ITPKB: variants seen among roughly 807,000 people sequenced by gnomAD.
ITPKB encodes IP3 3-kinase B.
A neutral mutation model predicts 69.4 loss-of-function variants in ITPKB; 13 were observed. The observed-to-expected ratio is 0.19, with a 90% CI of 0.12 to 0.30. The LOEUF is 0.30. Among genes scored for constraint, ITPKB ranks in the 10% least tolerant of loss-of-function variants. The pLI, the probability that ITPKB is intolerant of heterozygous loss-of-function variation, is 1.00. For missense variants in ITPKB, 1,240 were observed against 1,250.5 expected, an observed-to-expected ratio of 0.99 and a Z score of 0.13; for synonymous variants, 584 against 513.7, an observed-to-expected ratio of 1.14 and a Z score of -1.85.
At chr1:226,668,711 AT>A (rs1669552616) in intron 2 of ITPKB, among the ~76,000 whole-genome samples, 2 of 152,368 alleles carry the variant, frequency 1.3e-5, no homozygotes, top group African/African-American at 2.4e-5. Flanking sequence ...ACCAAAAGAA[AT>A]TTTTCAAAAT....
intron 2 of ITPKB, among the ~76,000 whole-genome samples, chr1:226,693,071 G>A (rs1006905239): frequency 1.3e-5 from 2 of 152,246 alleles, no homozygotes; most frequent in East Asian, 1.9e-4. Context: ...CATGTGAGCC[G>A]TGGCTTGGGT....
intron 5 of ITPKB, among the ~76,000 whole-genome samples, chr1:226,640,695 AAGG>A (rs1490910914): frequency 1.3e-5 from 2 of 152,164 alleles, no homozygotes; most frequent in Non-Finnish European, 2.9e-5. Flanking sequence ...AGCGAGCGTT[AAGG>A]AGAAGGCGGA....
intron 7 of ITPKB, among the ~76,000 whole-genome samples, chr1:226,636,713 C>T (rs781750438): frequency 2.0e-5 from 3 of 152,008 alleles, no homozygotes; most frequent in Non-Finnish European, 2.9e-5. Flanking sequence ...GCTTCACACC[C>T]ACCCACCCAT....
At chr1:226,682,897 G>T (rs969733181) in intron 2 of ITPKB, among the ~76,000 whole-genome samples, 4 of 152,300 alleles carry the variant, frequency 2.6e-5, no homozygotes, top group East Asian at 1.9e-4. Context: ...TATATTTACA[G>T]GGAGAGTCTA....
chr1:226,709,645 C>G (rs949652046), intron 2 of ITPKB, among the ~76,000 whole-genome samples: 1 of 152,150 alleles, frequency 6.6e-6, no homozygotes, highest in South Asian at 2.1e-4. Flanking sequence ...CTTCCCTGAC[C>G]TTCCTTTGTC....
chr1:226,712,183 T>C (rs938885386), intron 2 of ITPKB, among the ~76,000 whole-genome samples: 4 of 152,158 alleles, frequency 2.6e-5, no homozygotes, highest in Non-Finnish European at 4.4e-5. Context: ...TTAAACCACC[T>C]TCCCACCGCA....
chr1:226,706,795 G>A (rs537325987), intron 2 of ITPKB, among the ~76,000 whole-genome samples: 3 of 152,330 alleles, frequency 2.0e-5, no homozygotes, highest in East Asian at 1.9e-4. Context: ...GTTTCCAGCC[G>A]CCAGTCTGTC....
At chr1:226,654,766 A>G (rs2102751429) in intron 2 of ITPKB, among the ~76,000 whole-genome samples, 1 of 152,324 alleles carries the variant, frequency 6.6e-6, no homozygotes, top group South Asian at 2.1e-4. Flanking sequence ...GGTCCTTCCC[A>G]TCAGGCATCC....
At chr1:226,734,229 G>A (rs988649138) in intron 2 of ITPKB, among the ~76,000 whole-genome samples, 1 of 152,212 alleles carries the variant, frequency 6.6e-6, no homozygotes, top group Non-Finnish European at 1.5e-5. Context: ...AAAATGCCAG[G>A]CTGATTGGGG....
intron 2 of ITPKB, among the ~76,000 whole-genome samples, chr1:226,732,095 T>A (rs1657603937): frequency 3.2e-5 from 3 of 94,124 alleles, no homozygotes; most frequent in South Asian, 6.8e-4. Flanking sequence ...ACAAAACTAG[T>A]CAACATCAAA....
chr1:226,692,172 G>C (rs1479714632), intron 2 of ITPKB, among the ~76,000 whole-genome samples: 2 of 152,170 alleles, frequency 1.3e-5, no homozygotes, highest in Non-Finnish European at 2.9e-5. Context: ...AGCAGAGCTA[G>C]GATTCAACTC....
rs745414158 is a variant in ITPKB, at chr1:226,737,280, G to A, written c.179C>T (p.Pro60Leu). The A allele has an allele frequency of 8.4e-6, 13 of 1,556,488 alleles. No individual in the cohort carries two copies. The highest frequency in any genetic ancestry group is 1.1e-5 in the South Asian group (1 of 87,320). The change falls in exon 2 of 8, where the codon CCA becomes CTA. Residue 60 changes from proline to leucine, a missense_variant. Physicochemically the swap from Pro to Leu is moderately conservative, Grantham distance 98. Coordinates refer to ENST00000429204, the MANE Select transcript of ITPKB (RefSeq NM_002221.4). The part of the protein sequence containing the change: ...PGRGASFLFP[P>L]AESLSPEEPR... ...CTCCTCGGGGGACAGCGACTCGGCT[G>A]GGGGGAAGAGGAAAGAGGCGCCTCT... is the stretch of plus-strand genomic sequence containing the variant.
intron 2 of ITPKB, among the ~76,000 whole-genome samples, chr1:226,650,484 A>G (rs556205582): frequency 1.3e-5 from 2 of 152,240 alleles, no homozygotes; most frequent in Admixed American, 6.5e-5. Context: ...GGCATTTCTT[A>G]TCTAAGCACC....
intron 2 of ITPKB, among the ~76,000 whole-genome samples, chr1:226,672,694 A>T (rs1489053002): frequency 6.6e-6 from 1 of 152,228 alleles, no homozygotes; most frequent in Non-Finnish European, 1.5e-5. Context: ...GCAACAGGGA[A>T]GTGGGAGGAA....
In ITPKB at chr1:226,641,719, C is replaced by T. The variant is rs1668965651; in HGVS notation, c.2451+202G>A. 6.6e-6 allele frequency among the ~76,000 whole-genome samples: 1 copy of T among 152,266 alleles called. No individual in the cohort carries two copies. Reference sequence around the variant, plus strand: ...CTGGGCAGGGCTAGAAGCCACTCTGCTCTGAGGCCTGAGCCCCCTACACAG... The same window carrying T: ...CTGGGCAGGGCTAGAAGCCACTCTGTTCTGAGGCCTGAGCCCCCTACACAG... On this transcript the variant is annotated intron_variant, in intron 5 of 7. Transcript: ENST00000429204. This position sits in a 1 kb window ranked among gnomAD's most constrained non-coding sequence, Gnocchi z 4.6.
chr1:226,715,426 A>C (rs528367169), intron 2 of ITPKB, among the ~76,000 whole-genome samples: 1 of 152,366 alleles, frequency 6.6e-6, no homozygotes, highest in Admixed American at 6.5e-5. Flanking sequence ...GCGAAGCACA[A>C]ATGCAAGTAT....
chr1:226,638,348 G>C (rs1392921918), intron 6 of ITPKB, among the ~76,000 whole-genome samples: 3 of 152,200 alleles, frequency 2.0e-5, no homozygotes, highest in Non-Finnish European at 2.9e-5. Context: ...AGCTTGCCAG[G>C]AGCCAAGGGA....
chr1:226,688,529 T>C (rs1038268334), intron 2 of ITPKB, among the ~76,000 whole-genome samples: 1 of 152,220 alleles, frequency 6.6e-6, no homozygotes, highest in African/African-American at 2.4e-5. Context: ...AAAGCAACTC[T>C]TGACAGCAGC....
intron 7 of ITPKB, among the ~76,000 whole-genome samples, chr1:226,636,286 C>A (rs1668835645): frequency 1.3e-5 from 2 of 152,154 alleles, no homozygotes; most frequent in Non-Finnish European, 2.9e-5. Context: ...AAAGGAGAGG[C>A]CACAGGAGGA....
Sources: allele counts gnomAD v4.1 joint callset (sites outside exome capture counted in the v4.1 genomes callset), GRCh38; gene constraint gnomAD v4.1.1; non-coding constraint Gnocchi (gnomAD v3.1); transcripts MANE v1.5; gene names NCBI Gene and HGNC (gene_info 2026-07-23, HGNC 2026-07-21).